Variants in SIGLEC5 observed in about 807,000 individuals in gnomAD.
The protein encoded by SIGLEC5 is sialic acid binding Ig like lectin 5.
SIGLEC5 carries 34 observed loss-of-function variants against 45.9 expected under a neutral mutation model. That is an observed-to-expected ratio of 0.74 (90% CI 0.56 to 0.99). SIGLEC5 has a LOEUF of 0.99. Among genes scored for constraint, SIGLEC5 ranks in the 50% least tolerant of loss-of-function variants. SIGLEC5 has a pLI of 0.00. For synonymous variants in SIGLEC5, 203 were observed against 258.6 expected (o/e 0.79, Z 2.06); for missense variants, 508 against 629.6 (o/e 0.81, Z 2.07).
At position 51,629,055 on chromosome 19, in the gene SIGLEC5, ATGG is replaced by A; in HGVS notation, c.719_721del (p.Thr240del). On this transcript the variant is annotated inframe_deletion, in exon 4 of 9. Transcript: ENST00000683636. ...TTTCCTACCTATGCCGTTCCTGAAG[ATGG>A]TGATGGTCTGTGGAGCATCTGGGAT... The A allele has an allele frequency of 6.2e-7, 1 of 1,613,920 alleles. No homozygotes were observed. The highest frequency in any genetic ancestry group is 8.5e-7 in the Non-Finnish European group (1 of 1,179,908).
chr19:51,615,858 C>T (rs986006732), intron 8 of SIGLEC5, among the ~76,000 whole-genome samples: 1 of 152,160 alleles, frequency 6.6e-6, no homozygotes, highest in African/African-American at 2.4e-5. Context: ...CTCACTGCAA[C>T]CTCCACCTCC....
At position 51,612,043 on chromosome 19, in the gene SIGLEC5, T is replaced by A; in HGVS notation, c.*188A>T. On this transcript the variant is annotated 3_prime_UTR_variant, in exon 9 of 9. Transcript: ENST00000683636. Reference sequence around the variant, plus strand: ...GGCACAGAGGGATGCAGTGAATTGCTTGATGACAGTGCCAGGGCCTAGATT... The same window carrying A: ...GGCACAGAGGGATGCAGTGAATTGCATGATGACAGTGCCAGGGCCTAGATT... The A allele has an allele frequency of 2.4e-6, 1 of 422,478 alleles. No homozygotes were observed. The highest frequency in any genetic ancestry group is 4.2e-6 in the Non-Finnish European group (1 of 238,488). 26.2% of individuals were successfully genotyped at this position (422,478 alleles called of 1,614,324 possible). A position where few individuals can be genotyped will look rare whatever the true frequency, so the allele number is the denominator to read the frequency against.
At chr19:51,625,243 G>A (rs1347619334) in intron 8 of SIGLEC5, among the ~76,000 whole-genome samples, 5 of 152,224 alleles carry the variant, frequency 3.3e-5, no homozygotes, top group African/African-American at 1.2e-4. Context: ...TCCGTATGGA[G>A]ACAGAAGGCC....
chr19:51,622,068 A>G (rs1279986400), intron 8 of SIGLEC5, among the ~76,000 whole-genome samples: 1 of 152,178 alleles, frequency 6.6e-6, no homozygotes, highest in African/African-American at 2.4e-5. Context: ...TATAGATTCA[A>G]TGTATTTTTT....
At position 51,627,556 on chromosome 19, in the gene SIGLEC5, C is replaced by A; in HGVS notation, c.1188G>T (p.Leu396=). 6.2e-7 allele frequency: 1 copy of A among 1,614,106 alleles called. No individual in the cohort carries two copies. Among genetic ancestry groups the A allele is most frequent in the African/African-American group, 1.3e-5 (1 of 75,046 alleles). ...SSAGPWANSS[L]ILHGGLSSDL... is the part of the protein sequence containing the mutation. ...CGGAGCTGAGCCCCCCGTGGAGGAT[C>A]AGGGAGCTGTTGGCCCAGGGCCCAG... is the stretch of plus-strand genomic sequence containing the variant. Residue 396 remains leucine (L), a synonymous_variant, in exon 6 of 9, where the codon CTG becomes CTT. Coordinates refer to ENST00000683636, the MANE Select transcript of SIGLEC5 (RefSeq NM_003830.4).
At chr19:51,622,390 C>T (rs879841391) in intron 8 of SIGLEC5, among the ~76,000 whole-genome samples, 1 of 151,268 alleles carries the variant, frequency 6.6e-6, no homozygotes, top group Admixed American at 6.6e-5. Flanking sequence ...CCACCCACCT[C>T]GGCCTCCCAA....
chr19:51,627,322 T>C, intron 6 of SIGLEC5, 74 bp from the exon 7 acceptor site: 1 of 1,553,508 alleles, frequency 6.4e-7, no homozygotes, highest in Non-Finnish European at 8.8e-7. Context: ...CTGGGCAACT[T>C]GCTCCAGGGC....
Position 51,626,119 on chromosome 19 carries a change from G to A in SIGLEC5, c.1383-6C>T. On this transcript the variant is annotated splice_region_variant and splice_polypyrimidine_tract_variant and intron_variant, in intron 7 of 8. Transcript: ENST00000683636. ...GCTTCCTGCGGGCTTTCACTCTAAG[G>A]AAAGAAACCAGCACAGTGCAGCTGG... 1 of 1,613,138 alleles carries A rather than the reference G, an allele frequency of 6.2e-7. No individual in the cohort carries two copies. The highest frequency in any genetic ancestry group is 8.5e-7 in the Non-Finnish European group (1 of 1,179,780).
chr19:51,615,032 C>T (rs1400943087), intron 8 of SIGLEC5, among the ~76,000 whole-genome samples: 1 of 152,178 alleles, frequency 6.6e-6, no homozygotes, highest in East Asian at 1.9e-4. Context: ...AATCTAGAAC[C>T]TGAATGCAGG....
At chr19:51,620,979 C>T (rs1311323404) in intron 8 of SIGLEC5, among the ~76,000 whole-genome samples, 6 of 152,126 alleles carry the variant, frequency 3.9e-5, no homozygotes, top group African/African-American at 1.4e-4. Context: ...GCCACCAAAC[C>T]TGGCCTAATT....
At chr19:51,615,324 G>A (rs902965228) in intron 8 of SIGLEC5, among the ~76,000 whole-genome samples, 7 of 152,194 alleles carry the variant, frequency 4.6e-5, no homozygotes, top group South Asian at 2.1e-4. Flanking sequence ...TTGAAGAAAA[G>A]GGGTGGGAGA....
chr19:51,621,486 A>G (rs1983278070), intron 8 of SIGLEC5: 1 of 152,204 alleles, frequency 6.6e-6, no homozygotes, highest in Admixed American at 6.5e-5. Flanking sequence ...TAGAAGAGAA[A>G]TACATCTGCA....
At chr19:51,625,188 G>A (rs1983431661) in intron 8 of SIGLEC5, among the ~76,000 whole-genome samples, 2 of 152,106 alleles carry the variant, frequency 1.3e-5, no homozygotes, top group African/African-American at 2.4e-5. Context: ...AAGGAAAGGT[G>A]GAAGAAACTA....
At chr19:51,624,227 T>C (rs554010612) in intron 8 of SIGLEC5, among the ~76,000 whole-genome samples, 1 of 152,164 alleles carries the variant, frequency 6.6e-6, no homozygotes, top group African/African-American at 2.4e-5. Flanking sequence ...GAATGAATCA[T>C]AATACAATGT....
chr19:51,628,931 A>G, intron 4 of SIGLEC5, 107 bp downstream of exon 4: 3 of 1,147,606 alleles, frequency 2.6e-6, no homozygotes, highest in South Asian at 2.8e-5. Flanking sequence ...AGTAATTCTC[A>G]TTCTTGCTCT....
chr19:51,616,265 C>T (rs767933791), intron 8 of SIGLEC5, among the ~76,000 whole-genome samples: 8 of 152,170 alleles, frequency 5.3e-5, no homozygotes, highest in South Asian at 2.1e-4. Flanking sequence ...AGTACTAGGA[C>T]GCTTTGGTCA....
At chr19:51,616,820 A>G (rs1489105143) in intron 8 of SIGLEC5, among the ~76,000 whole-genome samples, 1 of 144,920 alleles carries the variant, frequency 6.9e-6, no homozygotes, top group Non-Finnish European at 1.5e-5. Flanking sequence ...CTGAGGCACA[A>G]GATTCACTTG....
At chr19:51,616,237 T>C (rs979805913) in intron 8 of SIGLEC5, among the ~76,000 whole-genome samples, 3 of 152,170 alleles carry the variant, frequency 2.0e-5, no homozygotes, top group African/African-American at 4.8e-5. Context: ...CAGAACCTGA[T>C]AGACCACTAG....
intron 8 of SIGLEC5, among the ~76,000 whole-genome samples, chr19:51,624,662 G>C (rs1983411459): frequency 6.6e-6 from 1 of 152,046 alleles, no homozygotes; most frequent in Admixed American, 6.6e-5. Flanking sequence ...CCCAGCCCCT[G>C]TCCTTCAAGA....
Sources: gnomAD v4.1 joint callset for allele counts (sites outside exome capture counted in the v4.1 genomes callset) on GRCh38, gnomAD v4.1.1 for gene constraint, MANE v1.5 for transcripts, NCBI Gene and HGNC (gene_info 2026-07-23, HGNC 2026-07-21) for gene names.